DTWD2: variants seen among roughly 807,000 people sequenced by gnomAD.
The protein encoded by DTWD2 is DTW motif tRNA-uridine aminocarboxypropyltransferase 2, also known as tRNA-uridine aminocarboxypropyltransferase 2.
DTWD2 carries 39 observed loss-of-function variants against 31.8 expected under a neutral mutation model. That is an observed-to-expected ratio of 1.22 (90% CI 0.95 to 1.60). DTWD2 has a LOEUF of 1.60. Among genes scored for constraint, DTWD2 ranks in the 40% most tolerant of loss-of-function variants. The pLI is 0.00. For synonymous variants in DTWD2, 180 were observed against 142.8 expected, an observed-to-expected ratio of 1.26 and a Z score of -1.86; for missense variants, 515 against 381.5, an observed-to-expected ratio of 1.35 and a Z score of -2.92.
At chr5:118,842,620 C>T (rs766161062) in intron 5 of DTWD2, among the ~76,000 whole-genome samples, 18 of 151,974 alleles carry the variant, frequency 1.2e-4, no homozygotes, top group Non-Finnish European at 1.2e-4. Flanking sequence ...GCAGTAAGGG[C>T]TCTCTTACAT....
chr5:118,914,467 C>T (rs544919566), intron 4 of DTWD2, among the ~76,000 whole-genome samples: 1 of 152,242 alleles, frequency 6.6e-6, no homozygotes, highest in South Asian at 2.1e-4. Flanking sequence ...CCAAGACACA[C>T]CCATATCAAT....
intron 4 of DTWD2, among the ~76,000 whole-genome samples, chr5:118,925,147 T>C (rs1753782216): frequency 6.6e-6 from 1 of 152,222 alleles, no homozygotes; most frequent in South Asian, 2.1e-4. Context: ...ATGGCTTGTA[T>C]GCACCCAACA....
At chr5:118,884,823 G>C (rs1032009232) in intron 4 of DTWD2, among the ~76,000 whole-genome samples, 1 of 149,360 alleles carries the variant, frequency 6.7e-6, no homozygotes, top group South Asian at 2.1e-4. Flanking sequence ...TGGCTAACAC[G>C]GTGAAACCCG....
intron 3 of DTWD2, among the ~76,000 whole-genome samples, chr5:118,935,343 CAGTCAGA>C (rs1340684315): frequency 6.6e-6 from 1 of 152,142 alleles, no homozygotes; most frequent in East Asian, 1.9e-4. Flanking sequence ...TGAAGCTGAT[CAGTCAGA>C]AGTTCCTGAG....
intron 4 of DTWD2, among the ~76,000 whole-genome samples, chr5:118,881,448 A>G (rs986066085): frequency 6.6e-6 from 1 of 152,238 alleles, no homozygotes; most frequent in Non-Finnish European, 1.5e-5. Flanking sequence ...TCTTTCTAAT[A>G]GCTATCAGCA....
intron 4 of DTWD2, among the ~76,000 whole-genome samples, chr5:118,868,709 T>C (rs1752435288): frequency 6.6e-6 from 1 of 151,786 alleles, no homozygotes; most frequent in South Asian, 2.1e-4. Flanking sequence ...TGTGGTGGCA[T>C]GTACCTGTAG....
At chr5:118,909,177 T>G (rs1156854868) in intron 4 of DTWD2, among the ~76,000 whole-genome samples, 1 of 152,162 alleles carries the variant, frequency 6.6e-6, no homozygotes, top group Non-Finnish European at 1.5e-5. Context: ...TGGAAACAGC[T>G]AGGAACAAAG....
intron 1 of DTWD2, among the ~76,000 whole-genome samples, chr5:118,959,415 C>G (rs767445793): frequency 6.6e-6 from 1 of 151,944 alleles, no homozygotes; most frequent in Non-Finnish European, 1.5e-5. Flanking sequence ...ATCTCTACAA[C>G]GAGAATTACA....
At chr5:118,954,729 G>A (rs1213472026) in intron 1 of DTWD2, among the ~76,000 whole-genome samples, 3 of 151,938 alleles carry the variant, frequency 2.0e-5, no homozygotes, top group Non-Finnish European at 4.4e-5. Flanking sequence ...TTTTGTAGAG[G>A]TGAAGTTTCT....
intron 1 of DTWD2, among the ~76,000 whole-genome samples, chr5:118,968,687 G>A (rs1189513544): frequency 6.6e-6 from 1 of 152,212 alleles, no homozygotes; most frequent in Non-Finnish European, 1.5e-5. Context: ...GCGCTATGCG[G>A]AGTCTCAACA....
At chr5:118,854,537 T>A (rs1752086904) in intron 4 of DTWD2, among the ~76,000 whole-genome samples, 1 of 152,016 alleles carries the variant, frequency 6.6e-6, no homozygotes, top group Non-Finnish European at 1.5e-5. Flanking sequence ...CTAAAGAGAA[T>A]AAACATGTAA....
intron 4 of DTWD2, among the ~76,000 whole-genome samples, chr5:118,891,377 C>A (rs568292844): frequency 6.6e-6 from 1 of 152,122 alleles, no homozygotes; most frequent in East Asian, 1.9e-4. Flanking sequence ...GCCAAGCACG[C>A]CTGCTATGCA....
intron 1 of DTWD2, among the ~76,000 whole-genome samples, chr5:118,954,505 A>G (rs1344240565): frequency 6.6e-6 from 1 of 151,904 alleles, no homozygotes; most frequent in East Asian, 1.9e-4. Flanking sequence ...GATATTGCTG[A>G]ATACATAAAG....
rs1751635137 is a variant in DTWD2 at position 118,838,759 on chromosome 5, CT to C, written c.*2157del. The C allele has an allele frequency of 1.6e-5, 2 of 127,710 alleles. No individual in the cohort carries two copies. Among genetic ancestry groups the C allele is most frequent in the Admixed American group, 7.3e-5 (1 of 13,782 alleles). The allele number at this position is 127,710 out of a possible 1,614,324, so 7.9% of individuals were successfully genotyped here. ...ACACTAAATTTTAAGCTTTTTAAGT[CT>C]TCAAAAATACTCTAAAATGTTTTAT... On this transcript the variant is annotated 3_prime_UTR_variant, in exon 6 of 6. Coordinates refer to ENST00000510708, the MANE Select transcript of DTWD2 (RefSeq NM_173666.4).
At chr5:118,961,895 A>G (rs533495451) in intron 1 of DTWD2, among the ~76,000 whole-genome samples, 2 of 152,346 alleles carry the variant, frequency 1.3e-5, no homozygotes, top group African/African-American at 2.4e-5. Flanking sequence ...TTACATTACT[A>G]CATAAGAGCA....
intron 1 of DTWD2, among the ~76,000 whole-genome samples, chr5:118,964,697 C>T (rs568156212): frequency 1.3e-5 from 2 of 152,394 alleles, no homozygotes; most frequent in East Asian, 3.9e-4. Flanking sequence ...CAGCCTCGGC[C>T]TCCCGAGGTG....
intron 4 of DTWD2, among the ~76,000 whole-genome samples, chr5:118,898,810 GTTA>G (rs1223928766): frequency 6.6e-6 from 1 of 152,148 alleles, no homozygotes; most frequent in Non-Finnish European, 1.5e-5. Context: ...CAAAAAAATT[GTTA>G]TTAAGACATT....
intron 4 of DTWD2, among the ~76,000 whole-genome samples, chr5:118,902,597 T>C (rs1472015397): frequency 6.6e-6 from 1 of 152,120 alleles, no homozygotes; most frequent in Non-Finnish European, 1.5e-5. Flanking sequence ...TTTTTAAAGT[T>C]TCTGATCAAT....
intron 4 of DTWD2, among the ~76,000 whole-genome samples, chr5:118,926,049 A>C (rs1753801844): frequency 6.6e-6 from 1 of 152,152 alleles, no homozygotes; most frequent in South Asian, 2.1e-4. Flanking sequence ...CCTGGACAAC[A>C]CAGTGGGACC....
Sources: allele counts gnomAD v4.1 joint callset (sites outside exome capture counted in the v4.1 genomes callset), GRCh38; gene constraint gnomAD v4.1.1; transcripts MANE v1.5; gene names NCBI Gene and HGNC (gene_info 2026-07-23, HGNC 2026-07-21).